Variants in RIC1 observed in about 807,000 individuals in gnomAD.
The protein encoded by RIC1 is guanine nucleotide exchange factor subunit RIC1.
In RIC1, 88 loss-of-function variants were observed where a neutral mutation model predicts 169.0. The observed-to-expected ratio is 0.52, with a 90% CI of 0.44 to 0.62. The LOEUF (loss-of-function observed/expected upper bound fraction) is 0.62, where lower values mean the gene tolerates loss of function less well. Among genes scored for constraint, RIC1 ranks in the 20% least tolerant of loss-of-function variants. The pLI, the probability that RIC1 is intolerant of heterozygous loss-of-function variation, is 0.00. For missense variants in RIC1, 1,877 were observed against 1,725.5 expected (o/e 1.09, Z -1.56); for synonymous variants, 790 against 601.5 (o/e 1.31, Z -4.59).
At chr9:5,678,770 A>G (rs1248434545) in intron 2 of RIC1, among the ~76,000 whole-genome samples, 1 of 152,170 alleles carries the variant, frequency 6.6e-6, no homozygotes, top group Non-Finnish European at 1.5e-5. Flanking sequence ...GTAGGTTGCA[A>G]AAATTTTTTC....
chr9:5,711,131 A>G (rs1822903954), intron 3 of RIC1, among the ~76,000 whole-genome samples: 1 of 152,194 alleles, frequency 6.6e-6, no homozygotes, highest in African/African-American at 2.4e-5. Flanking sequence ...GAAATTTCAG[A>G]ACCCATCGGA....
chr9:5,690,691 G>A (rs1586956128), intron 3 of RIC1, among the ~76,000 whole-genome samples: 1 of 151,440 alleles, frequency 6.6e-6, no homozygotes, highest in East Asian at 1.9e-4. Context: ...AGATTTTACT[G>A]TGTGAAAAGT....
intron 12 of RIC1, among the ~76,000 whole-genome samples, chr9:5,750,891 T>C (rs962036279): frequency 2.6e-5 from 4 of 151,838 alleles, no homozygotes; most frequent in African/African-American, 9.7e-5. Flanking sequence ...AGAAAATACA[T>C]AGTATCTTTA....
intron 2 of RIC1, among the ~76,000 whole-genome samples, chr9:5,683,698 C>T (rs1374557127): frequency 1.3e-5 from 2 of 152,194 alleles, no homozygotes; most frequent in South Asian, 2.1e-4. Context: ...TTTAAGTCTG[C>T]AGAGGTTACT....
chr9:5,731,231 C>T (rs1371566519), intron 6 of RIC1, among the ~76,000 whole-genome samples: 1 of 151,948 alleles, frequency 6.6e-6, no homozygotes, highest in Non-Finnish European at 1.5e-5. Context: ...TAGAGCAGTG[C>T]CTGGTGAATG....
intron 1 of RIC1, 52 bp downstream of exon 1, chr9:5,629,505 G>A: frequency 7.4e-6 from 11 of 1,492,662 alleles, no homozygotes; most frequent in Non-Finnish European, 9.8e-6. Context: ...GCCTCCCGGC[G>A]CCGTCCCACC....
At chr9:5,723,396 A>G (rs1393034480) in intron 6 of RIC1, among the ~76,000 whole-genome samples, 1 of 151,946 alleles carries the variant, frequency 6.6e-6, no homozygotes, top group East Asian at 1.9e-4. Flanking sequence ...CCACTTTTTG[A>G]TGGGGTGGTT....
At chr9:5,706,018 CT>C (rs755603350) in intron 3 of RIC1, among the ~76,000 whole-genome samples, 15 of 152,140 alleles carry the variant, frequency 9.9e-5, no homozygotes, top group Admixed American at 2.0e-4. Flanking sequence ...GTGGATAATC[CT>C]TTTAATATGC....
chr9:5,660,783 T>G (rs938278582), intron 2 of RIC1, among the ~76,000 whole-genome samples: 4 of 152,206 alleles, frequency 2.6e-5, no homozygotes, highest in Non-Finnish European at 5.9e-5. Flanking sequence ...TCCAAAAATT[T>G]GCTACCATTC....
rs1179654100 is a variant in RIC1, at chr9:5,732,850, TAGTG to T, written c.812+376_812+379del. ...ATCAGCATTCATGACGCCTTCAAAT[TAGTG>T]AGTGTGCTTTAGTTAACAAGCAAAT... On this transcript the variant is annotated intron_variant, in intron 7 of 25. Transcript: ENST00000414202. Among the ~76,000 whole-genome samples the T allele has an allele frequency of 6.6e-5, 10 of 152,280 alleles. No individual in the cohort carries two copies. The East Asian group carries it at 1.9e-3, about 29-fold the overall frequency.
intron 2 of RIC1, among the ~76,000 whole-genome samples, chr9:5,659,310 A>C (rs751420376): frequency 2.0e-5 from 3 of 152,120 alleles, no homozygotes; most frequent in African/African-American, 7.2e-5. Context: ...GCTTTGTAGT[A>C]ACTTTTGAAA....
intron 6 of RIC1, among the ~76,000 whole-genome samples, chr9:5,722,256 ATTT>A (rs771921878): frequency 1.4e-4 from 14 of 98,526 alleles, no homozygotes; most frequent in East Asian, 2.8e-4. Context: ...GGAGGAAGAG[ATTT>A]TTTTTTTTTT....
At chr9:5,633,947 A>G (rs960320958) in intron 1 of RIC1, among the ~76,000 whole-genome samples, 5 of 152,062 alleles carry the variant, frequency 3.3e-5, no homozygotes, top group Admixed American at 2.6e-4. Flanking sequence ...CTCTGTTCCT[A>G]TGAATTTGAC....
At chr9:5,676,799 A>T (rs567993967) in intron 2 of RIC1, among the ~76,000 whole-genome samples, 5 of 152,304 alleles carry the variant, frequency 3.3e-5, no homozygotes, top group Non-Finnish European at 7.4e-5. Context: ...ATTAAGTCAT[A>T]CACTGTATAC....
At chr9:5,726,035 T>A (rs10975263) in intron 6 of RIC1, among the ~76,000 whole-genome samples, 67,078 of 151,984 alleles carry the variant, frequency 0.44, 15,851 homozygotes, top group East Asian at 0.85. Context: ...TTCTGTTGAT[T>A]TGGGGTGGAG....
rs535598757 is a variant in RIC1 at position 5,665,684 on chromosome 9, C to G, written c.252+8994C>G. On this transcript the variant is annotated intron_variant, in intron 2 of 25. Transcript: ENST00000414202. The stretch of plus-strand genomic sequence containing the variant: ...TTTGTTTTTCTTTTAACAGGCCACT[C>G]TTCCATAGAACTGCTGCCATTTGTG... 1.9e-4 allele frequency among the ~76,000 whole-genome samples: 29 copies of G among 152,290 alleles called. No homozygotes were observed. In the South Asian group the frequency reaches 3.7e-3, roughly 20 times the overall value.
intron 3 of RIC1, among the ~76,000 whole-genome samples, chr9:5,691,374 C>G (rs1466368544): frequency 2.0e-5 from 3 of 151,946 alleles, no homozygotes; most frequent in Non-Finnish European, 4.4e-5. Context: ...AAATTTTCAA[C>G]TAGTTAGATT....
intron 23 of RIC1, among the ~76,000 whole-genome samples, chr9:5,772,206 C>A (rs1395887058): frequency 6.6e-6 from 1 of 152,140 alleles, no homozygotes; most frequent in Non-Finnish European, 1.5e-5. Context: ...GATTTTCTCA[C>A]AATAATGATT....
rs750957993 is a variant in RIC1 at position 5,763,042 on chromosome 9, T to C, written c.2113-98T>C. On this transcript the variant is annotated intron_variant, in intron 18 of 25. Coordinates refer to ENST00000414202, the MANE Select transcript of RIC1 (RefSeq NM_020829.4). The surrounding 1 kb of genome is among the most constrained non-coding windows in gnomAD (Gnocchi z 5.2). ...CTTTGCTTTTCCCAAAAAAATATTATACTATCATTTGAAAGACTTAGTAAA... is the reference window on the plus strand; with the variant it reads ...CTTTGCTTTTCCCAAAAAAATATTACACTATCATTTGAAAGACTTAGTAAA... 36 of 1,394,254 alleles carry C rather than the reference T, an allele frequency of 2.6e-5. No homozygotes were observed. The highest frequency in any genetic ancestry group is 4.4e-5 in the South Asian group (3 of 68,600). 86.4% of individuals were successfully genotyped at this position (1,394,254 alleles called of 1,614,324 possible).
Sources: allele counts gnomAD v4.1 joint callset (sites outside exome capture counted in the v4.1 genomes callset), GRCh38; gene constraint gnomAD v4.1.1; non-coding constraint Gnocchi (gnomAD v3.1); transcripts MANE v1.5; gene names NCBI Gene and HGNC (gene_info 2026-07-23, HGNC 2026-07-21).